Variants in WDR76 observed in about 807,000 individuals in gnomAD.
WDR76 encodes WD repeat-containing protein 76.
WDR76 carries 52 observed loss-of-function variants against 70.2 expected under a neutral mutation model. The observed-to-expected ratio is 0.74, with a 90% confidence interval of 0.59 to 0.93. The LOEUF (loss-of-function observed/expected upper bound fraction) is 0.93. WDR76 is among the 40% of genes least tolerant of loss of function. WDR76 has a pLI of 0.00. For missense variants in WDR76, 756 were observed against 760.2 expected (o/e 0.99, Z 0.07); for synonymous variants, 292 against 271.1 (o/e 1.08, Z -0.76).
intron 11 of WDR76, 32 bp from the exon 12 acceptor site, chr15:43,861,301 C>A (rs1567193265): frequency 6.3e-7 from 1 of 1,582,634 alleles, no homozygotes; most frequent in South Asian, 1.1e-5. Context: ...TTTTAAGTAA[C>A]AAAAGAATGT....
chr15:43,848,591 G>A (rs908561188), intron 8 of WDR76, among the ~76,000 whole-genome samples: 3 of 152,166 alleles, frequency 2.0e-5, no homozygotes, highest in East Asian at 1.9e-4. Flanking sequence ...CTTGGCCCAC[G>A]GGAGTGGTAA....
In WDR76 at chr15:43,833,228, C is replaced by T. The variant is rs553176466; in HGVS notation, c.463-1833C>T. 2.6e-5 allele frequency among the ~76,000 whole-genome samples: 4 copies of T among 152,086 alleles called. No individual in the cohort carries two copies. In the South Asian group the frequency reaches 8.3e-4, roughly 32 times the overall value. On this transcript the variant is annotated intron_variant, in intron 2 of 12. Transcript: ENST00000263795. ...TGCCCAGGCTAGAACACAGTGGTGT[C>T]ATCATAGCTTACTACAAACTTGAAC...
intron 10 of WDR76, chr15:43,857,481 G>A: frequency 1.0e-6 from 1 of 985,366 alleles, no homozygotes; most frequent in Non-Finnish European, 1.2e-6. Context: ...CCTATAACTT[G>A]TTGGCCTGTG....
chr15:43,834,280 T>C (rs991447089), intron 2 of WDR76, among the ~76,000 whole-genome samples: 2 of 151,832 alleles, frequency 1.3e-5, no homozygotes, highest in African/African-American at 4.8e-5. Context: ...GGGAAGTTTT[T>C]TTGTTGGAAA....
intron 4 of WDR76, among the ~76,000 whole-genome samples, chr15:43,837,827 C>A (rs145736968): frequency 6.6e-6 from 1 of 151,690 alleles, no homozygotes; most frequent in African/African-American, 2.4e-5. Flanking sequence ...CCTCCCGATA[C>A]AACCACTATG....
At chr15:43,836,962 C>A (rs976562430) in intron 4 of WDR76, among the ~76,000 whole-genome samples, 1 of 151,368 alleles carries the variant, frequency 6.6e-6, no homozygotes, top group African/African-American at 2.4e-5. Flanking sequence ...ATCGCTTGAA[C>A]CCGGGAGGCA....
At position 43,851,210 on chromosome 15, in the gene WDR76, C is replaced by A; in HGVS notation, c.1156C>A (p.Arg386Ser). 1 of 1,614,104 alleles carries A rather than the reference C, an allele frequency of 6.2e-7. No homozygotes were observed. The highest frequency in any genetic ancestry group is 2.2e-5 in the East Asian group (1 of 44,888). ...ILSLSYDGTL[R>S]CGDFSRAIFE... ...GTCACTGAGCTATGATGGCACGTTA[C>A]GCTGTGGGGATTTTTCCAGGGCTAT... is the stretch of plus-strand genomic sequence containing the variant. The change falls in exon 9 of 13, where the codon CGC becomes AGC. Residue 386 changes from arginine (R) to serine (S), a missense_variant. Transcript: ENST00000263795.
At chr15:43,838,063 C>T (rs925468468) in intron 4 of WDR76, among the ~76,000 whole-genome samples, 8 of 151,974 alleles carry the variant, frequency 5.3e-5, no homozygotes, top group South Asian at 4.2e-4. Flanking sequence ...TTTTAGTAGA[C>T]GGGGTTTCAC....
At chr15:43,858,931 GTTA>G in intron 11 of WDR76, 108 bp downstream of exon 11, 1 of 1,381,068 alleles carries the variant, frequency 7.2e-7, no homozygotes, top group Non-Finnish European at 9.8e-7. Flanking sequence ...AATTGCTAGT[GTTA>G]TTGTTTAGTA....
At position 43,857,117 on chromosome 15, in the gene WDR76, C is replaced by G; in HGVS notation, c.1363C>G (p.His455Asp). Residue 455 changes from histidine to aspartate, a missense_variant, in exon 10 of 13, where the codon CAT (histidine) becomes GAT (aspartate). By Grantham distance (81) the His-to-Asp change is moderately conservative. Coordinates refer to ENST00000263795, the MANE Select transcript of WDR76 (RefSeq NM_024908.4). The part of the protein sequence containing the change: ...SSSMGKIRTV[H>D]VHPVHRQYFI... The stretch of plus-strand genomic sequence containing the variant: ...TTCTATGGGAAAAATAAGAACTGTT[C>G]ATGTCCACCCAGTGCATAGACAGTA... 6.2e-7 allele frequency: 1 copy of G among 1,614,076 alleles called. No individual in the cohort carries two copies. Among genetic ancestry groups the G allele is most frequent in the Non-Finnish European group, 8.5e-7 (1 of 1,179,998 alleles).
intron 7 of WDR76, among the ~76,000 whole-genome samples, chr15:43,843,658 T>C (rs1486849341): frequency 3.3e-5 from 5 of 152,172 alleles, no homozygotes; most frequent in African/African-American, 1.2e-4. Context: ...ACTCTTCCAC[T>C]AGCAATATGT....
rs1236818662 is a variant in WDR76 at position 43,828,362 on chromosome 15, C to G, written c.458C>G (p.Ser153Cys). The G allele has an allele frequency of 1.3e-6, 2 of 1,594,974 alleles. No individual in the cohort carries two copies. The highest frequency in any genetic ancestry group is 3.4e-4 in the Middle Eastern group (2 of 5,966). The part of the protein sequence containing the change: ...DGDSDEDTTP[S>C]LDFSGLSPYE... ...GACAGTGATGAAGATACCACACCATCCCTGGTAAGAACTTAATTAGTAGCT... is the reference window on the plus strand; with the variant it reads ...GACAGTGATGAAGATACCACACCATGCCTGGTAAGAACTTAATTAGTAGCT... Residue 153 changes from serine to cysteine, a missense_variant, in exon 2 of 13, where the codon TCC (serine) becomes TGC (cysteine). Ser to Cys is a moderately radical substitution (Grantham distance 112). Transcript: ENST00000263795.
intron 8 of WDR76, among the ~76,000 whole-genome samples, chr15:43,848,839 AAGGC>A (rs1254247342): frequency 1.3e-5 from 2 of 151,912 alleles, no homozygotes; most frequent in Non-Finnish European, 2.9e-5. Flanking sequence ...TTGGGAAACT[AAGGC>A]AGGAGAATTG....
intron 8 of WDR76, among the ~76,000 whole-genome samples, chr15:43,850,746 C>G (rs1365974637): frequency 6.6e-6 from 1 of 152,154 alleles, no homozygotes; most frequent in East Asian, 1.9e-4. Flanking sequence ...GGTACTGATA[C>G]TGTTTTAGTT....
rs552301358 is a variant in WDR76 at position 43,868,114 on chromosome 15, T to C, written c.*1722T>C. On this transcript the variant is annotated 3_prime_UTR_variant, in exon 13 of 13. Transcript: ENST00000263795. ...ATAGTTCTCTATTTTCTAGTTGATA[T>C]AAGTAGAAGAATTGACAAGTGAGAT... 6.6e-6 allele frequency: 1 copy of C among 152,188 alleles called. No homozygotes were observed. Among genetic ancestry groups the C allele is most frequent in the Admixed American group, 6.5e-5 (1 of 15,284 alleles). The allele number at this position is 152,188 out of a possible 1,614,324, so 9.4% of individuals were successfully genotyped here.
At chr15:43,852,192 A>AT (rs1357109089) in intron 9 of WDR76, among the ~76,000 whole-genome samples, 2 of 151,960 alleles carry the variant, frequency 1.3e-5, no homozygotes, top group South Asian at 2.1e-4. Context: ...TTTTTATTTT[A>AT]TTTTTTTTGA....
chr15:43,845,086 C>T (rs1032497095), intron 8 of WDR76, among the ~76,000 whole-genome samples: 2 of 146,196 alleles, frequency 1.4e-5, no homozygotes, highest in African/African-American at 2.4e-5. Flanking sequence ...CTCAACCTCC[C>T]GAGTAGCTGG....
chr15:43,835,008 CT>C, intron 2 of WDR76, 52 bp from the exon 3 acceptor site: 1 of 1,481,542 alleles, frequency 6.7e-7, no homozygotes, highest in Non-Finnish European at 9.4e-7. Flanking sequence ...TTGTGAAGTG[CT>C]TTTCCTGTAG....
At chr15:43,842,587 T>A in intron 6 of WDR76, 41 bp from the exon 7 acceptor site, 1 of 1,597,894 alleles carries the variant, frequency 6.3e-7, no homozygotes. Context: ...TAAAAATATA[T>A]ACATACTAAC....
Sources: allele counts gnomAD v4.1 joint callset (sites outside exome capture counted in the v4.1 genomes callset), GRCh38; gene constraint gnomAD v4.1.1; transcripts MANE v1.5; gene names NCBI Gene and HGNC (gene_info 2026-07-23, HGNC 2026-07-21).